Variants in IPO5 observed in about 807,000 individuals in gnomAD.
The protein encoded by IPO5 is importin 5.
IPO5 carries 18 observed loss-of-function variants against 143.3 expected under a neutral mutation model. That is an observed-to-expected ratio of 0.13 (90% CI 0.09 to 0.19). The LOEUF is 0.19. IPO5 is among the 10% of genes least tolerant of loss of function. The pLI, the probability that IPO5 is intolerant of heterozygous loss-of-function variation, is 1.00. For missense variants in IPO5, 1,013 were observed against 1,336.9 expected, an observed-to-expected ratio of 0.76 and a Z score of 3.78; for synonymous variants, 477 against 465.7, an observed-to-expected ratio of 1.02 and a Z score of -0.31.
At chr13:97,998,308 T>G (rs935619389) in intron 12 of IPO5, among the ~76,000 whole-genome samples, 1 of 152,218 alleles carries the variant, frequency 6.6e-6, no homozygotes, top group Non-Finnish European at 1.5e-5. Context: ...GTACTCTAAA[T>G]TATTTCCAAG....
chr13:98,006,531 C>T (rs1308321346), intron 17 of IPO5, among the ~76,000 whole-genome samples, 183 bp downstream of exon 17: 6 of 151,592 alleles, frequency 4.0e-5, no homozygotes, highest in South Asian at 2.1e-4. Context: ...CCCGCCACCA[C>T]GCCCGGCTAA....
intron 2 of IPO5, among the ~76,000 whole-genome samples, chr13:97,967,908 G>T (rs1041513265): frequency 1.3e-5 from 2 of 152,252 alleles, no homozygotes; most frequent in South Asian, 2.1e-4. Flanking sequence ...TGGGATTACA[G>T]GCATGAGCCA....
At chr13:98,014,750 G>A (rs544500722) in intron 22 of IPO5, among the ~76,000 whole-genome samples, 1 of 151,972 alleles carries the variant, frequency 6.6e-6, no homozygotes, top group Non-Finnish European at 1.5e-5. Context: ...GAATACTCTA[G>A]TATTTTAGTC....
intron 9 of IPO5, among the ~76,000 whole-genome samples, chr13:97,992,297 T>C (rs768478838): frequency 7.9e-5 from 12 of 152,236 alleles, no homozygotes; most frequent in Non-Finnish European, 1.3e-4. Context: ...CATACTTTAA[T>C]ACCACAGTGA....
chr13:98,018,280 A>T (rs1452711756), intron 25 of IPO5, among the ~76,000 whole-genome samples: 1 of 152,242 alleles, frequency 6.6e-6, no homozygotes, highest in Non-Finnish European at 1.5e-5. Flanking sequence ...GTAACAAATC[A>T]TACAAGTCTT....
intron 9 of IPO5, among the ~76,000 whole-genome samples, chr13:97,990,942 A>G (rs955581000): frequency 2.0e-5 from 3 of 152,192 alleles, no homozygotes; most frequent in Non-Finnish European, 2.9e-5. Context: ...AATTCACATT[A>G]TCGTTAAGGA....
intron 2 of IPO5, among the ~76,000 whole-genome samples, chr13:97,957,941 C>CA (rs1172113413): frequency 6.6e-6 from 1 of 151,964 alleles, no homozygotes; most frequent in Non-Finnish European, 1.5e-5. Flanking sequence ...GCCGAGATCG[C>CA]ACCACTGCAC....
intron 2 of IPO5, among the ~76,000 whole-genome samples, chr13:97,965,197 G>A (rs1467224337): frequency 2.0e-5 from 3 of 152,050 alleles, no homozygotes; most frequent in East Asian, 1.9e-4. Flanking sequence ...TCGGGGGGTG[G>A]GGGACAAGGG....
At chr13:97,996,326 CAG>C (rs1888286773) in intron 11 of IPO5, among the ~76,000 whole-genome samples, 1 of 152,158 alleles carries the variant, frequency 6.6e-6, no homozygotes, top group Non-Finnish European at 1.5e-5. Flanking sequence ...GCTGGGATAA[CAG>C]GTGTGCACCA....
chr13:98,023,915 C>T lies in IPO5; in HGVS notation c.*2093C>T, dbSNP rs1375331609. Reference sequence around the variant, plus strand: ...ACTAACAATTCTTTGAAAGGACCTGCAGAAGCATTTTTAATACCTCATTCT... The same window carrying T: ...ACTAACAATTCTTTGAAAGGACCTGTAGAAGCATTTTTAATACCTCATTCT... On this transcript the variant is annotated 3_prime_UTR_variant, in exon 29 of 29. Coordinates refer to ENST00000651721, the MANE Select transcript of IPO5 (RefSeq NM_002271.6). 1.3e-5 allele frequency: 2 copies of T among 152,168 alleles called. No individual in the cohort carries two copies. Among genetic ancestry groups the T allele is most frequent in the Non-Finnish European group, 1.5e-5 (1 of 68,030 alleles). The allele number at this position is 152,168 out of a possible 1,614,324, so 9.4% of individuals were successfully genotyped here. A position where few individuals can be genotyped will look rare whatever the true frequency, so the allele number is the denominator to read the frequency against.
Position 97,976,946 on chromosome 13 carries a change from C to G in IPO5, c.90+160C>G, listed in dbSNP as rs878870089. ...CACGTGTGAGGCGGCCCGCGGCTCC[C>G]GGTCGTGCCCCCGGGCTTTTCCGGC... On this transcript the variant is annotated intron_variant, in intron 4 of 28. Transcript: ENST00000651721. 8.1e-5 allele frequency: 13 copies of G among 160,190 alleles called. No homozygotes were observed. The South Asian group carries it at 1.6e-3, about 20-fold the overall frequency. 9.9% of individuals were successfully genotyped at this position (160,190 alleles called of 1,614,324 possible).
chr13:97,984,775 A>G (rs1194673037), intron 5 of IPO5, among the ~76,000 whole-genome samples: 1 of 152,146 alleles, frequency 6.6e-6, no homozygotes, highest in Non-Finnish European at 1.5e-5. Flanking sequence ...CCAATAGCTT[A>G]TTGGCTTGAT....
intron 4 of IPO5, among the ~76,000 whole-genome samples, chr13:97,979,652 G>T (rs1886678759): frequency 6.6e-6 from 1 of 152,108 alleles, no homozygotes; most frequent in South Asian, 2.1e-4. Flanking sequence ...TCTTACTAAG[G>T]TTCTCCATAC....
intron 4 of IPO5, 87 bp from the exon 5 acceptor site, chr13:97,982,416 C>T: frequency 1.2e-6 from 1 of 821,556 alleles, no homozygotes. Flanking sequence ...ATTTCTCATG[C>T]ATCCTTCCCA....
At chr13:98,009,631 A>G (rs903849197) in intron 18 of IPO5, among the ~76,000 whole-genome samples, 14 of 152,218 alleles carry the variant, frequency 9.2e-5, no homozygotes, top group African/African-American at 3.1e-4. Flanking sequence ...GAAAGTAGAA[A>G]GAAATACCCA....
chr13:97,989,021 C>A, intron 6 of IPO5, 41 bp from the exon 7 acceptor site: 1 of 1,165,874 alleles, frequency 8.6e-7, no homozygotes, highest in South Asian at 1.2e-5. Context: ...TATTGAAGTT[C>A]TGACTTACAC....
At chr13:97,992,085 CT>C (rs1221319314) in intron 9 of IPO5, among the ~76,000 whole-genome samples, 2 of 152,034 alleles carry the variant, frequency 1.3e-5, no homozygotes, top group Non-Finnish European at 2.9e-5. Context: ...TTCTCTCCCC[CT>C]GCTATCACAA....
At chr13:98,013,862 C>T (rs1402244046) in intron 21 of IPO5, among the ~76,000 whole-genome samples, 180 bp from the exon 22 acceptor site, 3 of 152,158 alleles carry the variant, frequency 2.0e-5, no homozygotes, top group African/African-American at 7.2e-5. Flanking sequence ...GCCACTATTA[C>T]AGGTGACAGA....
At chr13:98,016,040 C>T (rs1344954575) in intron 24 of IPO5, among the ~76,000 whole-genome samples, 1 of 152,234 alleles carries the variant, frequency 6.6e-6, no homozygotes, top group African/African-American at 2.4e-5. Context: ...CATTTACATA[C>T]TGCTCACAAC....
Sources: allele counts gnomAD v4.1 joint callset (sites outside exome capture counted in the v4.1 genomes callset), GRCh38; gene constraint gnomAD v4.1.1; transcripts MANE v1.5; gene names NCBI Gene and HGNC (gene_info 2026-07-23, HGNC 2026-07-21).